PLXDC1: variants seen among roughly 807,000 people sequenced by gnomAD.
The protein encoded by PLXDC1 is plexin domain containing 1, also known as plexin domain-containing protein 1.
A neutral mutation model predicts 61.3 loss-of-function variants in PLXDC1; 39 were observed. The ratio of observed to expected loss-of-function variants is 0.64; its 90% CI spans 0.49 to 0.83. The LOEUF (loss-of-function observed/expected upper bound fraction) is 0.83, where lower values mean the gene tolerates loss of function less well. Among genes scored for constraint, PLXDC1 ranks in the 40% least tolerant of loss-of-function variants. The pLI is 0.00. For synonymous variants in PLXDC1, 212 were observed against 254.5 expected, an observed-to-expected ratio of 0.83 and a Z score of 1.59; for missense variants, 596 against 666.5, an observed-to-expected ratio of 0.89 and a Z score of 1.17.
At chr17:39,139,590 G>A in intron 2 of PLXDC1, 64 bp downstream of exon 2, 1 of 1,444,974 alleles carries the variant, frequency 6.9e-7, no homozygotes, top group Non-Finnish European at 9.5e-7. Flanking sequence ...AGCACACCTG[G>A]GGCAGCTGGT....
At chr17:39,110,695 C>T (rs1314426651) in intron 2 of PLXDC1, among the ~76,000 whole-genome samples, 1 of 152,248 alleles carries the variant, frequency 6.6e-6, no homozygotes, top group East Asian at 1.9e-4. Context: ...ACGACATTCT[C>T]CCTGCCAGGC....
At chr17:39,078,864 C>T (rs1409907714) in intron 10 of PLXDC1, among the ~76,000 whole-genome samples, 1 of 152,206 alleles carries the variant, frequency 6.6e-6, no homozygotes, top group Admixed American at 6.5e-5. Context: ...TTGAGAGCTG[C>T]CCACTTAAGG....
intron 2 of PLXDC1, among the ~76,000 whole-genome samples, chr17:39,130,322 A>T (rs1311957286): frequency 6.6e-6 from 1 of 152,174 alleles, no homozygotes; most frequent in Non-Finnish European, 1.5e-5. Flanking sequence ...TTGTAGTGGC[A>T]TATGCCTATA....
At chr17:39,099,500 C>G (rs1910344290) in intron 7 of PLXDC1, among the ~76,000 whole-genome samples, 1 of 152,062 alleles carries the variant, frequency 6.6e-6, no homozygotes, top group Non-Finnish European at 1.5e-5. Flanking sequence ...GCACAGACAC[C>G]AAGAACAGTC....
chr17:39,105,955 T>C lies in PLXDC1; in HGVS notation c.712-2A>G, dbSNP rs1910577265. On this transcript the variant is annotated splice_acceptor_variant, in intron 6 of 13. Coordinates refer to ENST00000315392, the MANE Select transcript of PLXDC1 (RefSeq NM_020405.5). LOFTEE classifies it high-confidence loss of function. Reference sequence around the variant, plus strand: ...GATTTCCGGGACAGACATAGGGATCTGCGGCAGGGAGAAGAGACTCCGTCC... The same window carrying C: ...GATTTCCGGGACAGACATAGGGATCCGCGGCAGGGAGAAGAGACTCCGTCC... The C allele has an allele frequency of 1.2e-6, 2 of 1,610,496 alleles. No homozygotes were observed. The highest frequency in any genetic ancestry group is 1.7e-6 in the Non-Finnish European group (2 of 1,176,986).
chr17:39,099,912 C>T lies in PLXDC1; in HGVS notation c.811+5942G>A, dbSNP rs995730794. 2.6e-5 allele frequency among the ~76,000 whole-genome samples: 4 copies of T among 152,072 alleles called. No individual in the cohort carries two copies. In the East Asian group the frequency reaches 5.8e-4, roughly 22 times the overall value. On this transcript the variant is annotated intron_variant, in intron 7 of 13. Coordinates refer to ENST00000315392, the MANE Select transcript of PLXDC1 (RefSeq NM_020405.5). Reference sequence around the variant, plus strand: ...ACCCAGGTGCAATCCAGTCCCTGAGCGTAGACTGGATCTGTGACTTGGTTC... The same window carrying T: ...ACCCAGGTGCAATCCAGTCCCTGAGTGTAGACTGGATCTGTGACTTGGTTC...
rs199666120 is a variant in PLXDC1, at chr17:39,106,648, C to CTTTTT, written c.712-696_712-695insAAAAA. On this transcript the variant is annotated intron_variant, in intron 6 of 13. Transcript: ENST00000315392. ...GCCTTCTTTTTTCTTTTTTCTTTTTCTTTCTTTTTTTTTTTTTTTGAGACA... is the reference window on the plus strand; with the variant it reads ...GCCTTCTTTTTTCTTTTTTCTTTTTCTTTTTTTTCTTTTTTTTTTTTTTTGAGACA... 2.4e-4 allele frequency among the ~76,000 whole-genome samples: 29 copies of CTTTTT among 122,576 alleles called. 5 individuals are homozygous for CTTTTT. The highest frequency in any genetic ancestry group is 8.8e-3 in the Middle Eastern group (2 of 228). The allele number at this position is 122,576 out of a possible 152,430, so 80.4% of individuals were successfully genotyped here.
chr17:39,081,918 G>A (rs1909576996), intron 9 of PLXDC1, among the ~76,000 whole-genome samples: 1 of 152,208 alleles, frequency 6.6e-6, no homozygotes, highest in Non-Finnish European at 1.5e-5. Flanking sequence ...CCCCAGCCTG[G>A]ATGACAGAGC....
chr17:39,070,170 A>C (rs1226027206), intron 12 of PLXDC1, 154 bp from the exon 13 acceptor site: 2 of 560,454 alleles, frequency 3.6e-6, no homozygotes, highest in African/African-American at 3.7e-5. Flanking sequence ...TGGGAGTTGG[A>C]ATCATTATGA....
intron 2 of PLXDC1, among the ~76,000 whole-genome samples, chr17:39,117,344 G>T (rs984031926): frequency 6.6e-6 from 1 of 152,128 alleles, no homozygotes; most frequent in East Asian, 1.9e-4. Flanking sequence ...CCAGCTGGGG[G>T]GTAGGATTAT....
intron 2 of PLXDC1, among the ~76,000 whole-genome samples, chr17:39,122,665 T>C (rs1052030727): frequency 1.3e-5 from 2 of 152,140 alleles, no homozygotes; most frequent in African/African-American, 4.8e-5. Context: ...TCACAGCCCA[T>C]TGTAGAAGCT....
intron 9 of PLXDC1, among the ~76,000 whole-genome samples, chr17:39,083,211 C>T (rs1295755459): frequency 1.3e-5 from 2 of 152,194 alleles, no homozygotes; most frequent in African/African-American, 2.4e-5. Context: ...TGGAACACTC[C>T]GAGAAGCCCT....
chr17:39,128,089 C>A (rs752931624), intron 2 of PLXDC1, among the ~76,000 whole-genome samples: 3,069 of 67,966 alleles, frequency 0.045, 260 homozygotes, highest in African/African-American at 0.092. Context: ...CTCTCTCTCT[C>A]TCTATGTGTA....
chr17:39,103,765 G>A lies in PLXDC1; in HGVS notation c.811+2089C>T, dbSNP rs190093443. Among the ~76,000 whole-genome samples the A allele has an allele frequency of 1.3e-4, 19 of 147,990 alleles. No individual in the cohort carries two copies. The East Asian group carries it at 2.8e-3, about 22-fold the overall frequency. On this transcript the variant is annotated intron_variant, in intron 7 of 13. Coordinates refer to ENST00000315392, the MANE Select transcript of PLXDC1 (RefSeq NM_020405.5). ...GGAGGCTGAGGCAGGAGAATCACTCGAACCCGGGAGGCAAAGGTTGCAGTG... is the reference window on the plus strand; with the variant it reads ...GGAGGCTGAGGCAGGAGAATCACTCAAACCCGGGAGGCAAAGGTTGCAGTG...
chr17:39,131,036 C>T (rs909389213), intron 2 of PLXDC1, among the ~76,000 whole-genome samples: 2 of 152,128 alleles, frequency 1.3e-5, no homozygotes, highest in African/African-American at 4.8e-5. Flanking sequence ...TGTTGTGACC[C>T]GAAGCGGAGG....
At chr17:39,072,968 G>A in intron 11 of PLXDC1, 1 of 164,504 alleles carries the variant, frequency 6.1e-6, no homozygotes, top group Non-Finnish European at 1.3e-5. Flanking sequence ...ATTTTTATGG[G>A]GAAAGAAAAG....
At chr17:39,119,174 CCTT>C (rs1182505240) in intron 2 of PLXDC1, among the ~76,000 whole-genome samples, 1 of 152,138 alleles carries the variant, frequency 6.6e-6, no homozygotes, top group Non-Finnish European at 1.5e-5. Context: ...TCACGATAAT[CCTT>C]CTCTGTGGGA....
At chr17:39,135,240 C>T (rs1480550114) in intron 2 of PLXDC1, among the ~76,000 whole-genome samples, 1 of 152,248 alleles carries the variant, frequency 6.6e-6, no homozygotes, top group Non-Finnish European at 1.5e-5. Flanking sequence ...TCAGAGGGAC[C>T]TCCTTCCAGG....
intron 7 of PLXDC1, among the ~76,000 whole-genome samples, chr17:39,089,941 G>A (rs1197045260): frequency 3.9e-5 from 6 of 152,080 alleles, no homozygotes; most frequent in Admixed American, 2.0e-4. Context: ...GGGATTACAG[G>A]TGCCCACCAC....
Sources: gnomAD v4.1 joint callset for allele counts (sites outside exome capture counted in the v4.1 genomes callset) on GRCh38, gnomAD v4.1.1 for gene constraint, MANE v1.5 for transcripts, NCBI Gene and HGNC (gene_info 2026-07-23, HGNC 2026-07-21) for gene names.